KCTD1: variants seen among roughly 807,000 people sequenced by gnomAD.
KCTD1 encodes BTB/POZ domain-containing protein KCTD1.
A neutral mutation model predicts 66.0 loss-of-function variants in KCTD1; 24 were observed. That is an observed-to-expected ratio of 0.36 (90% CI 0.26 to 0.51). The LOEUF (loss-of-function observed/expected upper bound fraction) is 0.51. Among genes scored for constraint, KCTD1 ranks in the 20% least tolerant of loss-of-function variants. The probability of loss-of-function intolerance (pLI) is 0.95; values close to 1 mark genes in which losing one functional copy is unlikely to be tolerated. For missense variants in KCTD1, 943 were observed against 1,205.2 expected, an observed-to-expected ratio of 0.78 and a Z score of 3.22; for synonymous variants, 511 against 517.2, an observed-to-expected ratio of 0.99 and a Z score of 0.16.
intron 1 of KCTD1, among the ~76,000 whole-genome samples, chr18:26,656,225 A>ACT (rs1289393109): frequency 1.3e-5 from 2 of 152,036 alleles, no homozygotes; most frequent in African/African-American, 4.8e-5. Flanking sequence ...CGGGCTCCTG[A>ACT]CTTGGCGCTG....
At chr18:26,489,112 C>T (rs992821175) in intron 2 of KCTD1, among the ~76,000 whole-genome samples, 2 of 152,192 alleles carry the variant, frequency 1.3e-5, no homozygotes, top group South Asian at 2.1e-4. Context: ...GCATTCTGCA[C>T]CAACGCAGCT....
At chr18:26,519,380 T>C (rs1275974727) in intron 1 of KCTD1, among the ~76,000 whole-genome samples, 1 of 152,236 alleles carries the variant, frequency 6.6e-6, no homozygotes, top group Non-Finnish European at 1.5e-5. Flanking sequence ...CTCTTGTTCC[T>C]AAGTCAGTCC....
upstream of KCTD1, among the ~76,000 whole-genome samples, chr18:26,634,160 C>A (rs1345229501): frequency 1.3e-5 from 2 of 152,184 alleles, no homozygotes; most frequent in East Asian, 1.9e-4. Flanking sequence ...TTAAATATAG[C>A]ATTATTCAGG....
At chr18:26,488,625 C>G (rs1213715940) in intron 2 of KCTD1, among the ~76,000 whole-genome samples, 2 of 152,112 alleles carry the variant, frequency 1.3e-5, no homozygotes, top group African/African-American at 4.8e-5. Flanking sequence ...GCTATGAAGC[C>G]CTCCCAGCCT....
At chr18:26,588,495 G>T (rs1024018213) in intron 1 of KCTD1, among the ~76,000 whole-genome samples, 1 of 152,188 alleles carries the variant, frequency 6.6e-6, no homozygotes, top group African/African-American at 2.4e-5. Flanking sequence ...GAATGCAGGG[G>T]TTTATCAATA....
intron 1 of KCTD1, among the ~76,000 whole-genome samples, chr18:26,584,652 A>C (rs1349052442): frequency 6.6e-6 from 1 of 152,190 alleles, no homozygotes; most frequent in African/African-American, 2.4e-5. Flanking sequence ...CTTTCATTTT[A>C]GTGCAAGAGG....
At chr18:26,537,976 G>GTGGCT (rs545356241) in intron 1 of KCTD1, among the ~76,000 whole-genome samples, 103 of 152,338 alleles carry the variant, frequency 6.8e-4, no homozygotes, top group African/African-American at 2.1e-3. Context: ...GCCGGGCATG[G>GTGGCT]TGGCTCATGC....
chr18:26,478,383 A>G (rs2144606621), intron 2 of KCTD1, among the ~76,000 whole-genome samples: 1 of 152,334 alleles, frequency 6.6e-6, no homozygotes, highest in African/African-American at 2.4e-5. Context: ...CCTTACAACG[A>G]TTGGAATGAA....
chr18:26,598,721 T>G (rs1049045484), intron 1 of KCTD1, among the ~76,000 whole-genome samples: 1 of 152,236 alleles, frequency 6.6e-6, no homozygotes, highest in African/African-American at 2.4e-5. Flanking sequence ...CATTGTAGTT[T>G]TGATTTGCAT....
intron 3 of KCTD1, among the ~76,000 whole-genome samples, chr18:26,467,132 G>GT (rs1374027610): frequency 7.2e-6 from 1 of 138,704 alleles, no homozygotes; most frequent in Non-Finnish European, 1.5e-5. Flanking sequence ...ATACGGTATA[G>GT]TTTGTTTTTT....
chr18:26,582,698 C>T (rs896858723), intron 1 of KCTD1, among the ~76,000 whole-genome samples: 1 of 152,128 alleles, frequency 6.6e-6, no homozygotes, highest in African/African-American at 2.4e-5. Context: ...ATACCATGCA[C>T]CTCTAGAAAA....
chr18:26,633,207 G>T (rs1334667751), upstream of KCTD1, among the ~76,000 whole-genome samples: 3 of 152,058 alleles, frequency 2.0e-5, no homozygotes, highest in African/African-American at 7.2e-5. Context: ...TATCAAATGT[G>T]GAAGTTCAGT....
intron 1 of KCTD1, among the ~76,000 whole-genome samples, chr18:26,528,642 A>C (rs1984285787): frequency 6.6e-6 from 1 of 152,102 alleles, no homozygotes; most frequent in Non-Finnish European, 1.5e-5. Context: ...AGGCTCCCTC[A>C]ATTCTCGCCA....
At chr18:26,599,367 G>A (rs1986838258) in intron 1 of KCTD1, 18 of 1,592,576 alleles carry the variant, frequency 1.1e-5, no homozygotes, top group Non-Finnish European at 1.5e-5. Context: ...TTCTCTTTTG[G>A]CTAGCAGTTT....
At chr18:26,649,914 T>A (rs933781717) in intron 1 of KCTD1, among the ~76,000 whole-genome samples, 1 of 152,198 alleles carries the variant, frequency 6.6e-6, no homozygotes, top group Non-Finnish European at 1.5e-5. Context: ...CTGGATGGAA[T>A]GGGTATCAGA....
At chr18:26,615,977 G>C (rs1045723756) in intron 1 of KCTD1, among the ~76,000 whole-genome samples, 1 of 152,092 alleles carries the variant, frequency 6.6e-6, no homozygotes, top group Non-Finnish European at 1.5e-5. Context: ...TTTTAGTAGA[G>C]ATGGGGTTTC....
intron 1 of KCTD1, among the ~76,000 whole-genome samples, chr18:26,573,411 A>G (rs973457754): frequency 6.6e-6 from 1 of 152,228 alleles, no homozygotes. Context: ...GATGGTAAAT[A>G]TTACATGTAT....
At chr18:26,521,895 G>A (rs1983931266) in intron 1 of KCTD1, among the ~76,000 whole-genome samples, 2 of 152,150 alleles carry the variant, frequency 1.3e-5, no homozygotes, top group Non-Finnish European at 2.9e-5. Flanking sequence ...CTTAATTGGG[G>A]CAGTGTTATT....
intron 1 of KCTD1, among the ~76,000 whole-genome samples, chr18:26,542,396 A>C (rs1985014046): frequency 6.6e-6 from 1 of 152,216 alleles, no homozygotes; most frequent in Non-Finnish European, 1.5e-5. Flanking sequence ...CTACAAATAA[A>C]AGTTCTAACA....
Sources: gnomAD v4.1 joint callset for allele counts (sites outside exome capture counted in the v4.1 genomes callset) on GRCh38, gnomAD v4.1.1 for gene constraint, MANE v1.5 for transcripts, NCBI Gene and HGNC (gene_info 2026-07-23, HGNC 2026-07-21) for gene names.